Variants in PCED1B observed in about 807,000 individuals in gnomAD.
PCED1B encodes the protein PC-esterase domain containing 1B.
For synonymous variants in PCED1B, 251 were observed against 246.1 expected (o/e 1.02, Z -0.19); for missense variants, 573 against 573.9 (o/e 1.00, Z 0.02).
At chr12:47,114,681 T>A (rs1939341988) in intron 2 of PCED1B, among the ~76,000 whole-genome samples, 2 of 152,152 alleles carry the variant, frequency 1.3e-5, no homozygotes, top group Admixed American at 1.3e-4. Context: ...AGCCTTGAGG[T>A]TGCTGCACCA....
chr12:47,216,750 C>G (rs993420917), intron 3 of PCED1B, 61 bp downstream of exon 3: 1 of 152,244 alleles, frequency 6.6e-6, no homozygotes, highest in African/African-American at 2.4e-5. Context: ...TCTGACCAGC[C>G]TTTCTTGAGA....
intron 2 of PCED1B, among the ~76,000 whole-genome samples, chr12:47,202,333 C>T (rs1367355207): frequency 6.6e-6 from 1 of 152,152 alleles, no homozygotes; most frequent in Non-Finnish European, 1.5e-5. Flanking sequence ...TACCGCATTG[C>T]AGAAGCACAT....
At chr12:47,141,175 A>T (rs1303079324) in intron 2 of PCED1B, among the ~76,000 whole-genome samples, 2 of 152,186 alleles carry the variant, frequency 1.3e-5, no homozygotes, top group Non-Finnish European at 2.9e-5. Flanking sequence ...TCTGTTTAAG[A>T]TATAACAAGG....
chr12:47,175,067 A>T (rs1314930796), intron 2 of PCED1B, among the ~76,000 whole-genome samples: 1 of 152,166 alleles, frequency 6.6e-6, no homozygotes, highest in East Asian at 1.9e-4. Context: ...ATTATTTTTA[A>T]ACACCCTTAT....
intron 1 of PCED1B, among the ~76,000 whole-genome samples, chr12:47,094,095 T>C (rs1046681450): frequency 2.6e-5 from 4 of 152,144 alleles, no homozygotes; most frequent in African/African-American, 9.6e-5. Context: ...TTTTGTTTAG[T>C]TTATTTTGAA....
intron 2 of PCED1B, among the ~76,000 whole-genome samples, chr12:47,188,632 G>A (rs1441855791): frequency 6.6e-6 from 1 of 152,178 alleles, no homozygotes; most frequent in Non-Finnish European, 1.5e-5. Flanking sequence ...TTAAAAACAA[G>A]AGTAGCAGAG....
chr12:47,164,273 A>G (rs1345277834), intron 2 of PCED1B, among the ~76,000 whole-genome samples: 1 of 152,216 alleles, frequency 6.6e-6, no homozygotes, highest in Non-Finnish European at 1.5e-5. Flanking sequence ...AGAGCCTGTG[A>G]AATTTTTTTT....
intron 2 of PCED1B, among the ~76,000 whole-genome samples, chr12:47,203,746 TG>T (rs1463991277): frequency 6.6e-6 from 1 of 152,232 alleles, no homozygotes; most frequent in South Asian, 2.1e-4. Context: ...CATTTATTGC[TG>T]TTGCTACTAG....
chr12:47,133,624 G>A (rs764039403), intron 2 of PCED1B, among the ~76,000 whole-genome samples: 3 of 152,164 alleles, frequency 2.0e-5, no homozygotes, highest in Non-Finnish European at 4.4e-5. Flanking sequence ...ATAAGCCACA[G>A]CTCAAACTGT....
intron 2 of PCED1B, among the ~76,000 whole-genome samples, chr12:47,175,321 T>C (rs1941887494): frequency 6.6e-6 from 1 of 152,214 alleles, no homozygotes; most frequent in Admixed American, 6.5e-5. Context: ...TATTCACTTT[T>C]GGACTCATGT....
At chr12:47,121,817 A>T (rs1448871955) in intron 2 of PCED1B, among the ~76,000 whole-genome samples, 1 of 152,100 alleles carries the variant, frequency 6.6e-6, no homozygotes, top group Non-Finnish European at 1.5e-5. Flanking sequence ...AGATCACTTG[A>T]GGTCAGCAGT....
chr12:47,158,700 G>T (rs1447936153), intron 2 of PCED1B, among the ~76,000 whole-genome samples: 10 of 152,116 alleles, frequency 6.6e-5, no homozygotes, highest in Admixed American at 6.5e-4. Flanking sequence ...TTTGTTACAT[G>T]CATAGACTGT....
At chr12:47,079,813 CCGGGCGGCAG>C (rs1297743648) in intron 1 of PCED1B, 88 bp downstream of exon 1, 1 of 149,476 alleles carries the variant, frequency 6.7e-6, no homozygotes, top group South Asian at 2.1e-4. Flanking sequence ...GCGCAGGCAG[CCGGGCGGCAG>C]CGGGCGGCCC....
chr12:47,211,983 G>A (rs1314328416), intron 2 of PCED1B, among the ~76,000 whole-genome samples: 1 of 151,122 alleles, frequency 6.6e-6, no homozygotes, highest in Non-Finnish European at 1.5e-5. Flanking sequence ...GCTGAGGCAG[G>A]AGAATGGCGT....
In PCED1B at chr12:47,104,117, T is replaced by C. The variant is rs569418126; in HGVS notation, c.-604T>C. The C allele has an allele frequency of 2.0e-5, 3 of 152,284 alleles. No individual in the cohort carries two copies. Among genetic ancestry groups the C allele is most frequent in the East Asian group, 1.9e-4 (1 of 5,184 alleles). 9.4% of individuals were successfully genotyped at this position (152,284 alleles called of 1,614,324 possible). ...CATGCCATTTTCACATTTCAGGTAA[T>C]GAGAGGCCCTAAGATCCCAGAGGAT... On this transcript the variant is annotated 5_prime_UTR_variant, in exon 2 of 4. The change abolishes an upstream ATG in the 5' untranslated region. Transcript: ENST00000546455.
chr12:47,112,582 C>G (rs1939247084), intron 2 of PCED1B, among the ~76,000 whole-genome samples: 1 of 152,172 alleles, frequency 6.6e-6, no homozygotes, highest in African/African-American at 2.4e-5. Context: ...ATTTTAATCA[C>G]AATCTATATG....
intron 2 of PCED1B, among the ~76,000 whole-genome samples, chr12:47,176,475 C>T (rs1256538965): frequency 2.0e-5 from 3 of 152,192 alleles, no homozygotes; most frequent in Non-Finnish European, 4.4e-5. Context: ...GGTTCAGAGA[C>T]CTTCGGGTTG....
chr12:47,121,484 CT>C (rs1565760203), intron 2 of PCED1B, among the ~76,000 whole-genome samples: 1 of 152,094 alleles, frequency 6.6e-6, no homozygotes, highest in African/African-American at 2.4e-5. Context: ...TGGAGGCTTT[CT>C]TTTTTTAAAG....
chr12:47,169,790 G>A (rs1423272375), intron 2 of PCED1B, among the ~76,000 whole-genome samples: 3 of 151,462 alleles, frequency 2.0e-5, no homozygotes, highest in African/African-American at 7.3e-5. Context: ...AGGAGTTCAA[G>A]GCTGCAGTGA....
Sources: gnomAD v4.1 joint callset for allele counts (sites outside exome capture counted in the v4.1 genomes callset) on GRCh38, gnomAD v4.1.1 for gene constraint, MANE v1.5 for transcripts, NCBI Gene and HGNC (gene_info 2026-07-23, HGNC 2026-07-21) for gene names.